The following DOCK1 variants were observed in gnomAD, a reference collection of about 807,000 sequenced individuals.
DOCK1 encodes the protein dedicator of cytokinesis protein 1.
Under a neutral mutation model 262.7 loss-of-function variants are expected in DOCK1, and 138 were observed. The observed-to-expected ratio is 0.53, with a 90% CI of 0.46 to 0.61. The LOEUF (loss-of-function observed/expected upper bound fraction) is 0.61, where lower values mean the gene tolerates loss of function less well. DOCK1 is among the 20% of genes least tolerant of loss of function. The pLI, the probability that DOCK1 is intolerant of heterozygous loss-of-function variation, is 0.00. For missense variants in DOCK1, 1,908 were observed against 2,370.7 expected (o/e 0.80, Z 4.05); for synonymous variants, 866 against 867.4 (o/e 1.00, Z 0.03).
Position 127,444,298 on chromosome 10 carries a change from A to G in DOCK1, c.5413+19A>G. 1 of 1,580,222 alleles carries G rather than the reference A, an allele frequency of 6.3e-7. No homozygotes were observed. The highest frequency in any genetic ancestry group is 8.6e-7 in the Non-Finnish European group (1 of 1,165,086). On this transcript the variant is annotated intron_variant, in intron 50 of 51. Coordinates refer to ENST00000623213, the MANE Select transcript of DOCK1 (RefSeq NM_001290223.2). Reference sequence around the variant, plus strand: ...CAGTCGAGTAAGTGGAACGCTCCCCACATACGAATCGTGCTATAGCTCCGT... The same window carrying G: ...CAGTCGAGTAAGTGGAACGCTCCCCGCATACGAATCGTGCTATAGCTCCGT...
intron 29 of DOCK1, among the ~76,000 whole-genome samples, chr10:127,265,949 T>C (rs2060337571): frequency 6.6e-6 from 1 of 152,236 alleles, no homozygotes; most frequent in Admixed American, 6.5e-5. Context: ...GCCATTTGCT[T>C]TCGTTGCCGT....
intron 25 of DOCK1, among the ~76,000 whole-genome samples, chr10:127,113,211 C>T (rs2048972075): frequency 6.6e-6 from 1 of 152,220 alleles, no homozygotes; most frequent in Middle Eastern, 3.4e-3. Context: ...GTCAAATGAA[C>T]TCTCTTTGTG....
At chr10:127,247,949 G>A (rs777819509) in intron 27 of DOCK1, 59 bp from the exon 28 acceptor site, 24 of 1,533,226 alleles carry the variant, frequency 1.6e-5, no homozygotes, top group African/African-American at 1.2e-4. Context: ...GGATGATTTC[G>A]GCTTTTCCCA....
intron 5 of DOCK1, among the ~76,000 whole-genome samples, chr10:126,989,157 T>C (rs2039622058): frequency 6.6e-6 from 1 of 151,918 alleles, no homozygotes. Flanking sequence ...GATACAGCCT[T>C]AGAGCAGTGG....
chr10:127,195,646 C>A (rs938169103), intron 27 of DOCK1, among the ~76,000 whole-genome samples: 1 of 152,178 alleles, frequency 6.6e-6, no homozygotes, highest in Non-Finnish European at 1.5e-5. Flanking sequence ...TTTTGCCTGG[C>A]TAGGGCTGTC....
At chr10:126,948,559 G>T (rs913538914) in intron 1 of DOCK1, among the ~76,000 whole-genome samples, 5 of 152,008 alleles carry the variant, frequency 3.3e-5, no homozygotes, top group Middle Eastern at 3.4e-3. Flanking sequence ...ACGTGGGGTG[G>T]GGTCGGGATA....
intron 23 of DOCK1, among the ~76,000 whole-genome samples, chr10:127,083,380 G>A: frequency 6.6e-6 from 1 of 152,206 alleles, no homozygotes. Context: ...TGTCTGGTGA[G>A]CCTTGAGGGC....
chr10:127,328,588 C>T (rs1014538005), intron 29 of DOCK1, among the ~76,000 whole-genome samples: 3 of 151,894 alleles, frequency 2.0e-5, no homozygotes, highest in Non-Finnish European at 2.9e-5. Flanking sequence ...ACAGCAAGGA[C>T]GGCAGGGACG....
At chr10:127,332,518 A>T (rs536375511) in intron 29 of DOCK1, among the ~76,000 whole-genome samples, 24 of 152,164 alleles carry the variant, frequency 1.6e-4, no homozygotes, top group African/African-American at 5.8e-4. Flanking sequence ...GTTGCCCACA[A>T]GCAAATATGC....
intron 33 of DOCK1, among the ~76,000 whole-genome samples, chr10:127,373,026 C>G (rs1210405027): frequency 2.0e-5 from 3 of 152,144 alleles, no homozygotes; most frequent in African/African-American, 7.2e-5. Context: ...GAAAACATGT[C>G]CATTGTTATC....
At chr10:126,916,747 C>G (rs1273362703) in intron 1 of DOCK1, among the ~76,000 whole-genome samples, 1 of 151,082 alleles carries the variant, frequency 6.6e-6, no homozygotes, top group African/African-American at 2.4e-5. Flanking sequence ...TTCTTTCTTC[C>G]TTCCTTCCTG....
chr10:127,193,927 C>T (rs1000651693), intron 27 of DOCK1, among the ~76,000 whole-genome samples: 1 of 152,148 alleles, frequency 6.6e-6, no homozygotes, highest in Non-Finnish European at 1.5e-5. Flanking sequence ...CAGCTTTTGC[C>T]TTGTTAGCCT....
rs571944671 is a variant in DOCK1, at chr10:127,393,024, G to C, written c.3927+8115G>C. Among the ~76,000 whole-genome samples, 14 of 152,292 alleles carry C rather than the reference G, an allele frequency of 9.2e-5. No homozygotes were observed. The South Asian group carries it at 2.1e-3, about 23-fold the overall frequency. On this transcript the variant is annotated intron_variant, in intron 38 of 51. Coordinates refer to ENST00000623213, the MANE Select transcript of DOCK1 (RefSeq NM_001290223.2). ...GAACGGGCAGACAAGCATGCAGGGA[G>C]GGCCGTCAGCATCCACAGAACTTAC... is the stretch of plus-strand genomic sequence containing the variant.
At chr10:127,441,529 AG>A (rs2070133381) in intron 49 of DOCK1, among the ~76,000 whole-genome samples, 1 of 152,196 alleles carries the variant, frequency 6.6e-6, no homozygotes, top group African/African-American at 2.4e-5. Flanking sequence ...CACCTCCTCC[AG>A]GGGACGGGTG....
intron 29 of DOCK1, among the ~76,000 whole-genome samples, chr10:127,310,683 C>T (rs113842541): frequency 7.2e-5 from 11 of 152,038 alleles, no homozygotes; most frequent in East Asian, 5.8e-4. Context: ...TTTTCAAAGC[C>T]GCAGGAGTGG....
chr10:127,361,970 C>T, intron 32 of DOCK1, 94 bp from the exon 33 acceptor site: 7 of 1,338,838 alleles, frequency 5.2e-6, no homozygotes, highest in Non-Finnish European at 7.0e-6. Context: ...TGCTCAAAGT[C>T]ACAGTGATCT....
chr10:127,041,436 C>T (rs1210315936), intron 19 of DOCK1, among the ~76,000 whole-genome samples: 1 of 152,224 alleles, frequency 6.6e-6, no homozygotes, highest in African/African-American at 2.4e-5. Context: ...CATTCCATCA[C>T]ATGGATAGAC....
intron 27 of DOCK1, among the ~76,000 whole-genome samples, chr10:127,202,367 T>A (rs1458669103): frequency 6.6e-6 from 1 of 151,516 alleles, no homozygotes; most frequent in Non-Finnish European, 1.5e-5. Context: ...AAGAATGGAT[T>A]TCACACTTGA....
chr10:127,166,355 G>A (rs563035488), intron 27 of DOCK1, among the ~76,000 whole-genome samples: 23 of 151,822 alleles, frequency 1.5e-4, no homozygotes, highest in Non-Finnish European at 2.5e-4. Flanking sequence ...GTGAGCCACC[G>A]CGCCCGGCCC....
Sources: gnomAD v4.1 joint callset for allele counts (sites outside exome capture counted in the v4.1 genomes callset) on GRCh38, gnomAD v4.1.1 for gene constraint, MANE v1.5 for transcripts, NCBI Gene and HGNC (gene_info 2026-07-23, HGNC 2026-07-21) for gene names.